Variants in AHI1 observed in about 807,000 individuals in gnomAD.
The protein encoded by AHI1 is Abelson helper integration site 1.
In AHI1, 123 loss-of-function variants were observed where a neutral mutation model predicts 149.3. That is an observed-to-expected ratio of 0.82 (90% CI 0.71 to 0.96). AHI1 has a LOEUF of 0.96. Among genes scored for constraint, AHI1 ranks in the 40% least tolerant of loss-of-function variants. The pLI is 0.00. For missense variants in AHI1, 1,439 were observed against 1,422.7 expected, an observed-to-expected ratio of 1.01 and a Z score of -0.18; for synonymous variants, 475 against 459.8, an observed-to-expected ratio of 1.03 and a Z score of -0.42.
chr6:135,340,777 C>T (rs945646426), intron 24 of AHI1, among the ~76,000 whole-genome samples: 1 of 146,318 alleles, frequency 6.8e-6, no homozygotes, highest in African/African-American at 2.5e-5. Flanking sequence ...AGTTGGTGGG[C>T]TTAAAATGTA....
intron 24 of AHI1, among the ~76,000 whole-genome samples, chr6:135,348,892 T>A (rs1042609294): frequency 1.3e-5 from 2 of 152,274 alleles, no homozygotes; most frequent in South Asian, 4.1e-4. Flanking sequence ...AACAATAGAA[T>A]AATATTAATA....
chr6:135,364,499 G>A (rs1794579126), intron 23 of AHI1, among the ~76,000 whole-genome samples: 1 of 150,102 alleles, frequency 6.7e-6, no homozygotes, highest in Admixed American at 6.6e-5. Context: ...TGGCGGCCGG[G>A]CAGAGGCTGC....
chr6:135,382,894 T>TAAAAAAAAAAAAAA (rs573438726), intron 23 of AHI1, among the ~76,000 whole-genome samples: 3 of 15,590 alleles, frequency 1.9e-4, no homozygotes, highest in African/African-American at 8.8e-4. Context: ...GCAAAATTAG[T>TAAAAAAAAAAAAAA]AAAAAAAAAA....
intron 22 of AHI1, among the ~76,000 whole-genome samples, chr6:135,404,351 A>G (rs1308053151): frequency 6.6e-6 from 1 of 152,192 alleles, no homozygotes; most frequent in Non-Finnish European, 1.5e-5. Context: ...ACTAATCGAG[A>G]GCCTTTTTGT....
rs147966398 is a variant in AHI1 at position 135,423,440 on chromosome 6, G to T, written c.2764+3727C>A. 3.3e-5 allele frequency among the ~76,000 whole-genome samples: 5 copies of T among 152,188 alleles called. No individual in the cohort carries two copies. In the East Asian group the frequency reaches 9.7e-4, roughly 29 times the overall value. On this transcript the variant is annotated intron_variant, in intron 20 of 28. Transcript: ENST00000265602. The stretch of plus-strand genomic sequence containing the variant: ...GCAACTTAAATAACAAATTTTATAG[G>T]AAACTAAAGGTACATGTTGCCCTGA...
intron 26 of AHI1, chr6:135,302,278 C>A: frequency 1.0e-6 from 1 of 985,484 alleles, no homozygotes; most frequent in Non-Finnish European, 1.2e-6. Flanking sequence ...ACATTAAGGG[C>A]TCTAATCAGA....
At chr6:135,296,424 T>A (rs1783102100) in intron 27 of AHI1, among the ~76,000 whole-genome samples, 1 of 152,234 alleles carries the variant, frequency 6.6e-6, no homozygotes, top group South Asian at 2.1e-4. Context: ...CTTCACTTGG[T>A]GTAAAAGCCA....
At chr6:135,467,717 T>A in intron 5 of AHI1, 83 bp from the exon 6 acceptor site, 2 of 937,022 alleles carry the variant, frequency 2.1e-6, no homozygotes, top group Non-Finnish European at 3.1e-6. Context: ...TTCAACTATG[T>A]GGAATTATTG....
At chr6:135,377,406 T>G (rs1449701161) in intron 23 of AHI1, among the ~76,000 whole-genome samples, 1 of 152,196 alleles carries the variant, frequency 6.6e-6, no homozygotes, top group Non-Finnish European at 1.5e-5. Flanking sequence ...CACCGAATCT[T>G]TAACAGTTTT....
intron 22 of AHI1, among the ~76,000 whole-genome samples, chr6:135,400,414 C>T (rs1356897423): frequency 6.6e-6 from 1 of 151,664 alleles, no homozygotes; most frequent in Admixed American, 6.6e-5. Flanking sequence ...CAATAAACTT[C>T]AACTTGGCTG....
chr6:135,489,325 ACATAGCCTCTGCCTATT>A (rs1794920115), intron 5 of AHI1, among the ~76,000 whole-genome samples: 1 of 152,168 alleles, frequency 6.6e-6, no homozygotes, highest in South Asian at 2.1e-4. Flanking sequence ...AGGTAAATGG[ACATAGCCTCTGCCTATT>A]CTGATTATCC....
intron 23 of AHI1, among the ~76,000 whole-genome samples, chr6:135,386,000 G>C (rs1273570654): frequency 6.6e-6 from 1 of 152,174 alleles, no homozygotes; most frequent in African/African-American, 2.4e-5. Context: ...TCACACTGTA[G>C]TGAGTAACTG....
chr6:135,399,453 G>A (rs1440571035), intron 22 of AHI1, among the ~76,000 whole-genome samples: 2 of 152,004 alleles, frequency 1.3e-5, no homozygotes, highest in African/African-American at 4.8e-5. Context: ...GGTAACCCTG[G>A]ACTTCAAATG....
intron 18 of AHI1, among the ~76,000 whole-genome samples, chr6:135,429,450 A>T (rs1583190999): frequency 6.6e-6 from 1 of 151,916 alleles, no homozygotes; most frequent in Admixed American, 6.6e-5. Flanking sequence ...AATAAACAAA[A>T]AAACAAGGAC....
intron 5 of AHI1, among the ~76,000 whole-genome samples, chr6:135,483,027 G>A (rs1018823481): frequency 1.3e-5 from 2 of 150,588 alleles, no homozygotes; most frequent in African/African-American, 2.4e-5. Context: ...AAGTAGCTGG[G>A]ACTACAGCTG....
chr6:135,465,702 C>T, intron 7 of AHI1, 112 bp downstream of exon 7: 1 of 877,462 alleles, frequency 1.1e-6, no homozygotes, highest in Non-Finnish European at 1.6e-6. Context: ...GTGACAATGT[C>T]TCCAAATAAA....
chr6:135,454,367 T>C (rs1278166784), intron 10 of AHI1, among the ~76,000 whole-genome samples: 1 of 152,154 alleles, frequency 6.6e-6, no homozygotes, highest in African/African-American at 2.4e-5. Context: ...GTAATGTTAA[T>C]GACTGCCTAC....
chr6:135,430,970 A>G (rs1191651220), intron 17 of AHI1, among the ~76,000 whole-genome samples: 2 of 152,094 alleles, frequency 1.3e-5, no homozygotes. Flanking sequence ...GCCACAGTGC[A>G]AATGGGGTAT....
At chr6:135,348,937 A>T (rs1791652633) in intron 24 of AHI1, among the ~76,000 whole-genome samples, 1 of 152,228 alleles carries the variant, frequency 6.6e-6, no homozygotes, top group Non-Finnish European at 1.5e-5. Context: ...TTCCAGATAT[A>T]AGGATGGTAT....
Sources: allele counts gnomAD v4.1 joint callset (sites outside exome capture counted in the v4.1 genomes callset), GRCh38; gene constraint gnomAD v4.1.1; transcripts MANE v1.5; gene names NCBI Gene and HGNC (gene_info 2026-07-23, HGNC 2026-07-21).